The following RNF20 variants were observed in gnomAD, a reference collection of about 807,000 sequenced individuals.
RNF20 encodes E3 ubiquitin-protein ligase BRE1A.
Under a neutral mutation model 126.2 loss-of-function variants are expected in RNF20, and 84 were observed. That is an observed-to-expected ratio of 0.67 (90% CI 0.56 to 0.80). The LOEUF (loss-of-function observed/expected upper bound fraction) is 0.80. Ranked by LOEUF, RNF20 falls within the 30% of genes least tolerant of loss-of-function variation. The probability of loss-of-function intolerance (pLI) is 0.00; values close to 1 mark genes in which losing one functional copy is unlikely to be tolerated. For synonymous variants in RNF20, 400 were observed against 414.3 expected (o/e 0.97, Z 0.42); for missense variants, 869 against 1,188.2 (o/e 0.73, Z 3.95).
At chr9:101,543,120 T>A (rs1827283618) in intron 5 of RNF20, among the ~76,000 whole-genome samples, 1 of 152,236 alleles carries the variant, frequency 6.6e-6, no homozygotes, top group Non-Finnish European at 1.5e-5. Flanking sequence ...ATTCATTATT[T>A]GGAGGTTTGG....
chr9:101,560,270 CT>C (rs1054147097), intron 16 of RNF20, among the ~76,000 whole-genome samples: 53 of 152,240 alleles, frequency 3.5e-4, no homozygotes, highest in South Asian at 2.5e-3. Context: ...GGTGGACTAT[CT>C]TTTTGATATG....
At chr9:101,548,433 T>C (rs1030302992) in intron 9 of RNF20, among the ~76,000 whole-genome samples, 25 of 152,202 alleles carry the variant, frequency 1.6e-4, no homozygotes, top group African/African-American at 6.0e-4. Context: ...CTGTATTGTG[T>C]ACTTGAAATA....
chr9:101,560,806 T>A lies in RNF20; in HGVS notation c.2388T>A (p.Asp796Glu), dbSNP rs1294157457. The A allele has an allele frequency of 6.2e-7, 1 of 1,607,152 alleles. No individual in the cohort carries two copies. The highest frequency in any genetic ancestry group is 1.3e-5 in the African/African-American group (1 of 74,434). ...ATCTGATTTTCTGTTCAAAGGTTGATGCCCAGCTACAGGTAGTAAGGAAAC... is the reference window on the plus strand; with the variant it reads ...ATCTGATTTTCTGTTCAAAGGTTGAAGCCCAGCTACAGGTAGTAAGGAAAC... ...DQVLTLKTQVDAQLQVVRKLE... is the reference protein window; with the variant it reads ...DQVLTLKTQVEAQLQVVRKLE... The change falls in exon 17 of 20, where the codon GAT (aspartate) becomes GAA (glutamate). Residue 796 changes from aspartate (D) to glutamate (E), a missense_variant. By Grantham distance (45) the Asp-to-Glu change is conservative. Coordinates refer to ENST00000389120, the MANE Select transcript of RNF20 (RefSeq NM_019592.7).
At chr9:101,549,249 A>G (rs1827403095) in intron 9 of RNF20, among the ~76,000 whole-genome samples, 1 of 152,198 alleles carries the variant, frequency 6.6e-6, no homozygotes, top group Non-Finnish European at 1.5e-5. Flanking sequence ...AGAGCAAGCC[A>G]TCTCCAATCG....
intron 9 of RNF20, among the ~76,000 whole-genome samples, chr9:101,549,108 G>A (rs1158462560): frequency 6.6e-6 from 1 of 152,190 alleles, no homozygotes. Context: ...AAAGACACAA[G>A]ACAAAGAGAT....
intron 6 of RNF20, 100 bp from the exon 7 acceptor site, chr9:101,546,720 A>G: frequency 2.5e-6 from 3 of 1,215,070 alleles, no homozygotes; most frequent in Middle Eastern, 2.0e-4. Flanking sequence ...AGCATCTTCT[A>G]TTTGCCTCTT....
rs1827644905 is a variant in RNF20 at position 101,562,519 on chromosome 9, C to T, written c.*97C>T. 8.7e-7 allele frequency: 1 copy of T among 1,147,754 alleles called. No individual in the cohort carries two copies. The highest frequency in any genetic ancestry group is 1.2e-6 in the Non-Finnish European group (1 of 826,012). 71.1% of individuals were successfully genotyped at this position (1,147,754 alleles called of 1,614,324 possible). A position where few individuals can be genotyped will look rare whatever the true frequency, so the allele number is the denominator to read the frequency against. On this transcript the variant is annotated 3_prime_UTR_variant, in exon 20 of 20. Transcript: ENST00000389120. ...CTCTCCTTGACTGTCACCTGTAGGA[C>T]AGTTTATCAGTCAACTACCTTTCCT... is the stretch of plus-strand genomic sequence containing the variant.
chr9:101,552,927 A>G (rs764082117), intron 13 of RNF20, among the ~76,000 whole-genome samples, 174 bp downstream of exon 13: 6 of 152,276 alleles, frequency 3.9e-5, no homozygotes, highest in African/African-American at 7.2e-5. Context: ...TTGCATGGCT[A>G]TTTAGTACTT....
At chr9:101,542,048 A>T (rs190271276) in intron 5 of RNF20, among the ~76,000 whole-genome samples, 43 of 152,334 alleles carry the variant, frequency 2.8e-4, no homozygotes, top group Non-Finnish European at 5.7e-4. Flanking sequence ...TATCATTAAG[A>T]TGTTTAACCT....
At chr9:101,554,671 G>T in intron 14 of RNF20, 23 bp from the exon 15 acceptor site, 1 of 1,602,478 alleles carries the variant, frequency 6.2e-7, no homozygotes, top group Non-Finnish European at 8.5e-7. Context: ...TTTTATTTTT[G>T]TGCAATTCCT....
At position 101,550,500 on chromosome 9, in the gene RNF20, T is replaced by G. The variant is rs151027642; in HGVS notation, c.1093-106T>G. On this transcript the variant is annotated intron_variant, in intron 9 of 19. Coordinates refer to ENST00000389120, the MANE Select transcript of RNF20 (RefSeq NM_019592.7). ...AGATAACTTAATAATCTTTATAAAA[T>G]TGTCTCTCTTGTGTAGGACATCAGT... 4.1e-4 allele frequency: 354 copies of G among 857,012 alleles called. No individual in the cohort carries two copies. The African/African-American group carries it at 5.6e-3, about 13-fold the overall frequency. The allele number at this position is 857,012 out of a possible 1,614,324, so 53.1% of individuals were successfully genotyped here.
rs1457323303 is a variant in RNF20 at position 101,563,306 on chromosome 9, T to C, written c.*884T>C. 3 of 152,680 alleles carry C rather than the reference T, an allele frequency of 2.0e-5. No individual in the cohort carries two copies. Among genetic ancestry groups the C allele is most frequent in the African/African-American group, 7.2e-5 (3 of 41,460 alleles). The allele number at this position is 152,680 out of a possible 1,614,324, so 9.5% of individuals were successfully genotyped here. A position where few individuals can be genotyped will look rare whatever the true frequency, so the allele number is the denominator to read the frequency against. On this transcript the variant is annotated 3_prime_UTR_variant, in exon 20 of 20. Coordinates refer to ENST00000389120, the MANE Select transcript of RNF20 (RefSeq NM_019592.7). ...TGTGGAATGTTTCTGTAGGACTTTGTTCTCCACAAGCTTGAATTAAAGCAG... is the reference window on the plus strand; with the variant it reads ...TGTGGAATGTTTCTGTAGGACTTTGCTCTCCACAAGCTTGAATTAAAGCAG...
intron 2 of RNF20, among the ~76,000 whole-genome samples, chr9:101,535,782 A>G (rs995939395): frequency 5.3e-5 from 8 of 152,234 alleles, no homozygotes; most frequent in Non-Finnish European, 1.2e-4. Context: ...GAATCTGGGA[A>G]GGTGGTGCCT....
At chr9:101,536,779 G>A (rs1160854666) in intron 2 of RNF20, among the ~76,000 whole-genome samples, 1 of 152,204 alleles carries the variant, frequency 6.6e-6, no homozygotes, top group Non-Finnish European at 1.5e-5. Flanking sequence ...ACACCCCAGT[G>A]TGGACTTTAT....
intron 2 of RNF20, among the ~76,000 whole-genome samples, chr9:101,539,447 A>G (rs1256600607): frequency 2.6e-5 from 4 of 152,310 alleles, no homozygotes; most frequent in African/African-American, 4.8e-5. Flanking sequence ...GGAATGTACT[A>G]TATAGCATAT....
intron 3 of RNF20, 39 bp downstream of exon 3, chr9:101,540,409 C>T: frequency 6.2e-7 from 1 of 1,612,172 alleles, no homozygotes; most frequent in Middle Eastern, 1.7e-4. Context: ...TTTATTTGAC[C>T]AATTTAGTTC....
intron 8 of RNF20, 39 bp from the exon 9 acceptor site, chr9:101,547,360 G>T: frequency 6.2e-7 from 1 of 1,611,978 alleles, no homozygotes; most frequent in Non-Finnish European, 8.5e-7. Context: ...GATTTAAGAA[G>T]AATACTTATT....
chr9:101,550,916 C>A, intron 10 of RNF20, 131 bp downstream of exon 10: 1 of 812,860 alleles, frequency 1.2e-6, no homozygotes, highest in East Asian at 2.5e-5. Context: ...GGTCTTTACT[C>A]TGGTAGGTAC....
At chr9:101,537,995 A>C (rs374764366) in intron 2 of RNF20, among the ~76,000 whole-genome samples, 337 of 152,310 alleles carry the variant, frequency 2.2e-3, no homozygotes, top group African/African-American at 7.8e-3. Flanking sequence ...CTATATAATG[A>C]CTGATCATGG....
Sources: gnomAD v4.1 joint callset for allele counts (sites outside exome capture counted in the v4.1 genomes callset) on GRCh38, gnomAD v4.1.1 for gene constraint, MANE v1.5 for transcripts, NCBI Gene and HGNC (gene_info 2026-07-23, HGNC 2026-07-21) for gene names.